ATXN7L1: variants seen among roughly 807,000 people sequenced by gnomAD.
The protein encoded by ATXN7L1 is ataxin-7-like protein 1.
A neutral mutation model predicts 70.8 loss-of-function variants in ATXN7L1; 15 were observed. The observed-to-expected ratio is 0.21, with a 90% CI of 0.14 to 0.33. ATXN7L1 has a LOEUF of 0.33. ATXN7L1 is among the 10% of genes least tolerant of loss of function. The probability of loss-of-function intolerance (pLI) is 1.00; values close to 1 mark genes in which losing one functional copy is unlikely to be tolerated. For synonymous variants in ATXN7L1, 440 were observed against 445.1 expected (o/e 0.99, Z 0.14); for missense variants, 975 against 1,097.1 (o/e 0.89, Z 1.57).
chr7:105,634,590 A>G (rs1797093628), intron 7 of ATXN7L1, among the ~76,000 whole-genome samples: 1 of 152,064 alleles, frequency 6.6e-6, no homozygotes, highest in African/African-American at 2.4e-5. Flanking sequence ...TCCTGGGCTC[A>G]AGCTACTTTC....
At chr7:105,739,308 A>G (rs1434356027) in intron 3 of ATXN7L1, among the ~76,000 whole-genome samples, 2 of 152,156 alleles carry the variant, frequency 1.3e-5, no homozygotes, top group African/African-American at 4.8e-5. Context: ...CCTAAGAGAA[A>G]TGCCCCACCC....
chr7:105,615,035 T>C (rs1476491756), intron 9 of ATXN7L1, among the ~76,000 whole-genome samples: 1 of 151,990 alleles, frequency 6.6e-6, no homozygotes, highest in Non-Finnish European at 1.5e-5. Flanking sequence ...TCACGCACAG[T>C]CTTTCAGATC....
At chr7:105,852,431 C>T (rs1187659669) in intron 2 of ATXN7L1, among the ~76,000 whole-genome samples, 3 of 152,156 alleles carry the variant, frequency 2.0e-5, no homozygotes, top group Non-Finnish European at 4.4e-5. Flanking sequence ...CTTGTGTGAT[C>T]CTGGCCTCTC....
intron 8 of ATXN7L1, 128 bp from the exon 9 acceptor site, chr7:105,620,449 G>A (rs530610631): frequency 3.0e-6 from 3 of 1,001,644 alleles, no homozygotes; most frequent in Non-Finnish European, 4.2e-6. Flanking sequence ...AAACCGTACT[G>A]AAGCCAAAAA....
chr7:105,623,709 G>A (rs1795260852), intron 8 of ATXN7L1, among the ~76,000 whole-genome samples: 1 of 152,180 alleles, frequency 6.6e-6, no homozygotes, highest in African/African-American at 2.4e-5. Context: ...GGACATCAGA[G>A]GCTCCGTTTT....
chr7:105,791,019 A>G (rs904786731), intron 2 of ATXN7L1, among the ~76,000 whole-genome samples: 5 of 152,246 alleles, frequency 3.3e-5, no homozygotes, highest in African/African-American at 1.2e-4. Flanking sequence ...CAGACACCTA[A>G]GGGAGGCCCC....
chr7:105,710,083 C>G (rs182029372), intron 3 of ATXN7L1, among the ~76,000 whole-genome samples: 1 of 152,232 alleles, frequency 6.6e-6, no homozygotes, highest in Admixed American at 6.5e-5. Context: ...CTCCTGGACT[C>G]AAGTGATCCT....
chr7:105,679,141 C>T (rs1382107390), intron 3 of ATXN7L1: 1 of 985,928 alleles, frequency 1.0e-6, no homozygotes, highest in Non-Finnish European at 1.2e-6. Context: ...TTCCTGGCTC[C>T]TGGATGAGGG....
chr7:105,757,631 G>A (rs980642626), intron 3 of ATXN7L1, among the ~76,000 whole-genome samples: 7 of 134,958 alleles, frequency 5.2e-5, no homozygotes, highest in South Asian at 2.4e-4. Context: ...CCAGACTGGA[G>A]TGCAGTGGCA....
At chr7:105,678,747 A>C (rs962947352) in intron 3 of ATXN7L1, among the ~76,000 whole-genome samples, 1 of 151,540 alleles carries the variant, frequency 6.6e-6, no homozygotes, top group Non-Finnish European at 1.5e-5. Flanking sequence ...AAAATTTTCC[A>C]CTCCACTCCT....
chr7:105,675,602 T>G (rs1433094261), intron 3 of ATXN7L1, among the ~76,000 whole-genome samples: 1 of 151,330 alleles, frequency 6.6e-6, no homozygotes, highest in Non-Finnish European at 1.5e-5. Context: ...TCTAGCCTGG[T>G]GACAGAATGA....
intron 3 of ATXN7L1, among the ~76,000 whole-genome samples, chr7:105,786,501 TTTTTGG>T (rs1257141615): frequency 6.6e-6 from 1 of 152,102 alleles, no homozygotes; most frequent in Non-Finnish European, 1.5e-5. Context: ...CAGTGAAGAT[TTTTTGG>T]GTTTCGTTTT....
At chr7:105,724,006 T>C (rs1161718016) in intron 3 of ATXN7L1, among the ~76,000 whole-genome samples, 2 of 152,196 alleles carry the variant, frequency 1.3e-5, no homozygotes, top group Non-Finnish European at 2.9e-5. Flanking sequence ...CGAGGATATT[T>C]GGGTTTAAAG....
chr7:105,781,417 T>C (rs1803509271), intron 3 of ATXN7L1, among the ~76,000 whole-genome samples: 1 of 152,186 alleles, frequency 6.6e-6, no homozygotes, highest in African/African-American at 2.4e-5. Flanking sequence ...AAAATTTTTT[T>C]CCAGTATAGG....
At position 105,607,668 on chromosome 7, in the gene ATXN7L1, C is replaced by A; in HGVS notation, c.*184G>T. ...TGTTTTCTGTAAATCTCAAATTCAC[C>A]TTCTTTTGCCTTTTTAACTAAAAAT... On this transcript the variant is annotated 3_prime_UTR_variant, in exon 12 of 12. Coordinates refer to ENST00000419735, the MANE Select transcript of ATXN7L1 (RefSeq NM_020725.2). The A allele has an allele frequency of 1.7e-6, 1 of 580,290 alleles. No homozygotes were observed. Among genetic ancestry groups the A allele is most frequent in the Non-Finnish European group, 3.1e-6 (1 of 321,466 alleles). The allele number at this position is 580,290 out of a possible 1,614,324, so 35.9% of individuals were successfully genotyped here.
intron 3 of ATXN7L1, among the ~76,000 whole-genome samples, chr7:105,745,691 C>A (rs1199384829): frequency 6.6e-6 from 1 of 152,182 alleles, no homozygotes; most frequent in African/African-American, 2.4e-5. Flanking sequence ...TCCCCTTGGC[C>A]TTTGGGACGA....
chr7:105,765,765 C>T (rs1801168103), intron 3 of ATXN7L1, among the ~76,000 whole-genome samples: 1 of 152,194 alleles, frequency 6.6e-6, no homozygotes, highest in Non-Finnish European at 1.5e-5. Context: ...TTCTTATGGT[C>T]ACCAGCATTA....
chr7:105,788,062 G>GTAATTACATCAAGGATGTTTA (rs1804576125), intron 3 of ATXN7L1: 1 of 153,570 alleles, frequency 6.5e-6, no homozygotes, highest in African/African-American at 2.4e-5. Context: ...GTTTAGAGAC[G>GTAATTACATCAAGGATGTTTA]GAAAGCAGTT....
At chr7:105,704,862 T>G (rs1792953412) in intron 3 of ATXN7L1, among the ~76,000 whole-genome samples, 1 of 151,936 alleles carries the variant, frequency 6.6e-6, no homozygotes, top group African/African-American at 2.4e-5. Flanking sequence ...CTGCCCCCCT[T>G]GGCCTCCCAA....
Sources: gnomAD v4.1 joint callset for allele counts (sites outside exome capture counted in the v4.1 genomes callset) on GRCh38, gnomAD v4.1.1 for gene constraint, MANE v1.5 for transcripts, NCBI Gene and HGNC (gene_info 2026-07-23, HGNC 2026-07-21) for gene names.